The following ANKS1B variants were observed in gnomAD, a reference collection of about 807,000 sequenced individuals.
The protein encoded by ANKS1B is ankyrin repeat and sterile alpha motif domain-containing protein 1B.
In ANKS1B, 36 loss-of-function variants were observed where a neutral mutation model predicts 148.3. That is an observed-to-expected ratio of 0.24 (90% CI 0.19 to 0.32). The LOEUF (loss-of-function observed/expected upper bound fraction) is 0.32, where lower values mean the gene tolerates loss of function less well. Among genes scored for constraint, ANKS1B ranks in the 10% least tolerant of loss-of-function variants. ANKS1B has a pLI of 1.00. For synonymous variants in ANKS1B, 542 were observed against 560.8 expected (o/e 0.97, Z 0.47); for missense variants, 1,157 against 1,542.6 (o/e 0.75, Z 4.19).
intron 8 of ANKS1B, among the ~76,000 whole-genome samples, chr12:99,684,580 T>C (rs2098639129): frequency 6.6e-6 from 1 of 151,814 alleles, no homozygotes; most frequent in Admixed American, 6.6e-5. Flanking sequence ...AAAACAATCC[T>C]AAAATTTATA....
intron 9 of ANKS1B, among the ~76,000 whole-genome samples, chr12:99,648,962 G>A (rs999530621): frequency 6.6e-6 from 1 of 152,152 alleles, no homozygotes. Flanking sequence ...GGTTCCTAGT[G>A]CTTCTCCAGG....
At chr12:99,320,522 T>A (rs1317764601) in intron 12 of ANKS1B, among the ~76,000 whole-genome samples, 3 of 152,202 alleles carry the variant, frequency 2.0e-5, no homozygotes, top group African/African-American at 7.2e-5. Flanking sequence ...GTAGTTCTCG[T>A]GGCATGGTTT....
chr12:98,884,540 C>G (rs900863279), intron 17 of ANKS1B, among the ~76,000 whole-genome samples: 7 of 152,128 alleles, frequency 4.6e-5, no homozygotes, highest in Non-Finnish European at 8.8e-5. Flanking sequence ...TGGCTCACGC[C>G]TGTAATCCCA....
chr12:99,532,337 GGTT>G (rs1166402735), intron 9 of ANKS1B, among the ~76,000 whole-genome samples: 3 of 151,506 alleles, frequency 2.0e-5, no homozygotes, highest in Admixed American at 2.0e-4. Context: ...TTACATTTAA[GGTT>G]TTTTTGTTGT....
intron 17 of ANKS1B, among the ~76,000 whole-genome samples, chr12:98,999,806 G>T (rs2099931870): frequency 6.6e-6 from 1 of 152,146 alleles, no homozygotes; most frequent in Non-Finnish European, 1.5e-5. Context: ...AGTCTGCATG[G>T]CTTGGGTTGA....
At chr12:99,887,937 A>G (rs897535052) in intron 1 of ANKS1B, among the ~76,000 whole-genome samples, 3 of 152,198 alleles carry the variant, frequency 2.0e-5, no homozygotes, top group African/African-American at 7.2e-5. Context: ...CAAAGTAGGT[A>G]TGACACAAGT....
At chr12:98,874,001 T>C (rs2099680151) in intron 17 of ANKS1B, among the ~76,000 whole-genome samples, 4 of 152,264 alleles carry the variant, frequency 2.6e-5, no homozygotes, top group Admixed American at 2.0e-4. Flanking sequence ...TCAGGATGAC[T>C]TGGAAACACT....
At chr12:99,354,654 T>G (rs980611525) in intron 12 of ANKS1B, among the ~76,000 whole-genome samples, 2 of 152,052 alleles carry the variant, frequency 1.3e-5, no homozygotes, top group African/African-American at 4.8e-5. Context: ...TAAAATGACT[T>G]TGAGTCTCGT....
chr12:98,922,280 T>C (rs1347361309), intron 17 of ANKS1B, among the ~76,000 whole-genome samples: 3 of 152,150 alleles, frequency 2.0e-5, no homozygotes, highest in African/African-American at 7.2e-5. Flanking sequence ...ATTCTTTCAT[T>C]CCTCTAGTAC....
intron 8 of ANKS1B, among the ~76,000 whole-genome samples, chr12:99,663,220 T>C (rs540596276): frequency 2.6e-5 from 4 of 152,194 alleles, no homozygotes; most frequent in Non-Finnish European, 5.9e-5. Context: ...AGGTCAGTGA[T>C]CATATTACTC....
At chr12:99,740,262 A>T (rs1230678212) in intron 8 of ANKS1B, among the ~76,000 whole-genome samples, 1 of 152,152 alleles carries the variant, frequency 6.6e-6, no homozygotes, top group East Asian at 1.9e-4. Context: ...GTGATCCATG[A>T]TCACACAACT....
intron 4 of ANKS1B, among the ~76,000 whole-genome samples, chr12:99,799,220 T>C (rs2066633936): frequency 6.6e-6 from 1 of 152,132 alleles, no homozygotes. Flanking sequence ...CTCTTTTAAC[T>C]GCTTCTTTAC....
intron 17 of ANKS1B, among the ~76,000 whole-genome samples, chr12:98,944,134 T>C (rs772570763): frequency 1.3e-5 from 2 of 152,004 alleles, no homozygotes; most frequent in African/African-American, 2.4e-5. Flanking sequence ...ACTCCATCTC[T>C]ACTACAAATA....
chr12:99,726,275 G>C (rs1486252001), intron 8 of ANKS1B, among the ~76,000 whole-genome samples: 2 of 151,850 alleles, frequency 1.3e-5, no homozygotes, highest in Non-Finnish European at 2.9e-5. Flanking sequence ...GAATCAAATA[G>C]ACACAATAAA....
At chr12:99,589,294 G>A (rs1033511370) in intron 9 of ANKS1B, among the ~76,000 whole-genome samples, 5 of 152,190 alleles carry the variant, frequency 3.3e-5, no homozygotes, top group African/African-American at 1.2e-4. Context: ...ATGTTTGACT[G>A]TAGAGACAGG....
intron 8 of ANKS1B, among the ~76,000 whole-genome samples, chr12:99,668,800 T>C (rs2098522493): frequency 6.6e-6 from 1 of 152,082 alleles, no homozygotes; most frequent in Non-Finnish European, 1.5e-5. Flanking sequence ...TTGCATGATA[T>C]TTTTTCACAG....
rs1017956454 is a variant in ANKS1B, at chr12:98,759,753, G to A, written c.3580-8231C>T. ...CATTTAACATGAAAACTGGAGGCGG[G>A]TGGATTGCCTGAGCTCAGGAGTTCA... is the stretch of plus-strand genomic sequence containing the variant. On this transcript the variant is annotated intron_variant, in intron 25 of 26. Coordinates refer to ENST00000683438, the MANE Select transcript of ANKS1B (RefSeq NM_001352186.2). Among the ~76,000 whole-genome samples, 29 of 152,154 alleles carry A rather than the reference G, an allele frequency of 1.9e-4. 1 individual carries two copies. Among genetic ancestry groups the A allele is most frequent in the African/African-American group, 6.8e-4 (28 of 41,434 alleles).
At chr12:99,051,324 A>G (rs1026279415) in intron 17 of ANKS1B, among the ~76,000 whole-genome samples, 44 of 152,216 alleles carry the variant, frequency 2.9e-4, no homozygotes, top group African/African-American at 1.0e-3. Flanking sequence ...TTACAATGGG[A>G]GATTACTGCT....
Position 99,897,345 on chromosome 12 carries a change from AGTATATGT to A in ANKS1B, c.135-71964_135-71957del, listed in dbSNP as rs144912519. ...TGTTACTTTCATTGTACACAAAATG[AGTATATGT>A]GTATATGGGTATATGTGTGTATCTC... On this transcript the variant is annotated intron_variant, in intron 1 of 26. Transcript: ENST00000683438. Among the ~76,000 whole-genome samples, 1,093 of 151,342 alleles carry A rather than the reference AGTATATGT, an allele frequency of 7.2e-3. 59 individuals are homozygous for A. Among genetic ancestry groups the A allele is most frequent in the East Asian group, 0.033 (169 of 5,186 alleles).
Sources: gnomAD v4.1 joint callset for allele counts (sites outside exome capture counted in the v4.1 genomes callset) on GRCh38, gnomAD v4.1.1 for gene constraint, MANE v1.5 for transcripts, NCBI Gene and HGNC (gene_info 2026-07-23, HGNC 2026-07-21) for gene names.